Variants in ZNF454 observed in about 807,000 individuals in gnomAD.
ZNF454 encodes zinc finger protein 454.
In ZNF454, 30 loss-of-function variants were observed where a neutral mutation model predicts 48.2. That is an observed-to-expected ratio of 0.62 (90% confidence interval 0.47 to 0.84). The LOEUF is 0.84. ZNF454 is among the 40% of genes least tolerant of loss of function. The pLI is 0.00. For synonymous variants in ZNF454, 204 were observed against 211.4 expected (o/e 0.97, Z 0.30); for missense variants, 510 against 623.1 (o/e 0.82, Z 1.93).
At chr5:178,951,374 G>C (rs75605181) in intron 4 of ZNF454, among the ~76,000 whole-genome samples, 1 of 152,304 alleles carries the variant, frequency 6.6e-6, no homozygotes, top group East Asian at 1.9e-4. Flanking sequence ...CAGCACTTTT[G>C]AAGTCCACTG....
At position 178,942,896 on chromosome 5, in the gene ZNF454, C is replaced by T. The variant is rs375665383; in HGVS notation, c.33+72C>T. The T allele has an allele frequency of 7.7e-5, 118 of 1,539,380 alleles. 2 individuals are homozygous for T. In the South Asian group the frequency reaches 1.1e-3, roughly 14 times the overall value. On this transcript the variant is annotated intron_variant, in intron 2 of 4. Transcript: ENST00000519564. The stretch of plus-strand genomic sequence containing the variant: ...GTGTGGCATGTTTGCTTCCTCAGAC[C>T]GGGAGCTTTATTCCCAATCCAGTCC...
chr5:178,986,726 G>A, the ZNF454 span: 1 of 1,605,416 alleles, frequency 6.2e-7, no homozygotes, highest in East Asian at 2.2e-5. Flanking sequence ...ACCTCGTGGG[G>A]GTCGCCAGAC....
At chr5:178,969,401 T>C (rs762388752), downstream of ZNF454, 14 of 452,742 alleles carry the variant, frequency 3.1e-5, no homozygotes, top group South Asian at 2.2e-4. Context: ...TTCAGCTGGG[T>C]TAATCCCCAA....
chr5:178,986,630 C>T, the ZNF454 span: 8 of 1,602,766 alleles, frequency 5.0e-6, no homozygotes, highest in South Asian at 8.8e-5. Flanking sequence ...CCGTCACAGG[C>T]CTCGCAGTGC....
intron 4 of ZNF454, among the ~76,000 whole-genome samples, chr5:178,963,680 G>A (rs1371240443): frequency 6.6e-6 from 1 of 151,670 alleles, no homozygotes; most frequent in African/African-American, 2.4e-5. Flanking sequence ...AGATAACTTT[G>A]CCACAAAATA....
chr5:178,964,628 G>T (rs769769741), intron 4 of ZNF454, 27 bp from the exon 5 acceptor site: 1 of 1,573,560 alleles, frequency 6.4e-7, no homozygotes, highest in South Asian at 1.1e-5. Flanking sequence ...GGGTAAAACA[G>T]ACATTTTTAT....
chr5:178,957,161 C>T lies in ZNF454; in HGVS notation c.251-7494C>T, dbSNP rs183837658. 6.6e-4 allele frequency among the ~76,000 whole-genome samples: 101 copies of T among 152,008 alleles called. 1 individual carries two copies. In the East Asian group the frequency reaches 0.018, roughly 27 times the overall value. ...CCTCCCAAAGTGCTGGGATTACAGG[C>T]GTGAGCCACCGCGCCCGGCCCAGTC... On this transcript the variant is annotated intron_variant, in intron 4 of 4. Transcript: ENST00000519564.
chr5:178,971,051 C>T (rs1760226936), downstream of ZNF454, among the ~76,000 whole-genome samples: 3 of 152,224 alleles, frequency 2.0e-5, no homozygotes, highest in Admixed American at 1.3e-4. Context: ...AAGAACTTTG[C>T]GTATATTCAT....
chr5:178,967,240 C>T (rs1424837643), downstream of ZNF454, among the ~76,000 whole-genome samples: 3 of 152,154 alleles, frequency 2.0e-5, no homozygotes, highest in African/African-American at 4.8e-5. Flanking sequence ...CACCCACTTA[C>T]GTTGTACTAT....
intron 4 of ZNF454, among the ~76,000 whole-genome samples, chr5:178,956,184 CT>C (rs1351091140): frequency 6.6e-6 from 1 of 152,004 alleles, no homozygotes; most frequent in Admixed American, 6.5e-5. Context: ...TGAATATTGC[CT>C]TTTTCAAAAA....
the ZNF454 span, among the ~76,000 whole-genome samples, chr5:178,975,067 G>A: frequency 6.6e-6 from 1 of 152,140 alleles, no homozygotes. Flanking sequence ...CAGCACTTTG[G>A]GAGGCCATGG....
At chr5:178,970,298 C>T (rs546929100), downstream of ZNF454, among the ~76,000 whole-genome samples, 36 of 152,206 alleles carry the variant, frequency 2.4e-4, no homozygotes, top group Non-Finnish European at 5.0e-4. Flanking sequence ...AATCTCTCAC[C>T]CCCATCTGTG....
chr5:178,981,469 A>T, the ZNF454 span: 2 of 584,386 alleles, frequency 3.4e-6, no homozygotes, highest in African/African-American at 1.9e-5. The surrounding 1 kb of genome is among the most constrained non-coding windows in gnomAD (Gnocchi z 5.1). Context: ...CATGAAGCTC[A>T]CATGCTGGAA....
intron 4 of ZNF454, among the ~76,000 whole-genome samples, chr5:178,959,826 C>T (rs1759927735): frequency 6.6e-6 from 1 of 151,780 alleles, no homozygotes; most frequent in African/African-American, 2.4e-5. Context: ...AGGATGGTCT[C>T]GATCTCCTGA....
chr5:178,946,918 A>G lies in ZNF454; in HGVS notation c.182A>G (p.Asp61Gly), dbSNP rs375346887. ...ACAGGACTCTTAGGACCCAAACCAGATACGTTTTCCCAGCTAGAAAAAAGG... is the reference window on the plus strand; with the variant it reads ...ACAGGACTCTTAGGACCCAAACCAGGTACGTTTTCCCAGCTAGAAAAAAGG... ...VSLGLLGPKP[D>G]TFSQLEKREV... The change falls in exon 4 of 5, where the codon GAT (aspartate) becomes GGT (glycine). Residue 61 changes from aspartate (D) to glycine (G), a missense_variant. Coordinates refer to ENST00000519564, the MANE Select transcript of ZNF454 (RefSeq NM_001178089.3). This position sits in a 1 kb window ranked among gnomAD's most constrained non-coding sequence, Gnocchi z 4.5. 1.0e-4 allele frequency: 161 copies of G among 1,614,026 alleles called. 4 individuals carry two copies. In the South Asian group the frequency reaches 1.6e-3, roughly 16 times the overall value.
At chr5:178,953,626 G>A (rs1759637620) in intron 4 of ZNF454, among the ~76,000 whole-genome samples, 1 of 152,088 alleles carries the variant, frequency 6.6e-6, no homozygotes, top group African/African-American at 2.4e-5. Context: ...GCAAGGAAAT[G>A]CATATTTTCT....
Position 178,964,817 on chromosome 5 carries a change from A to G in ZNF454, c.413A>G (p.Gln138Arg). The G allele has an allele frequency of 6.2e-7, 1 of 1,614,198 alleles. No individual in the cohort carries two copies. Among genetic ancestry groups the G allele is most frequent in the South Asian group, 1.1e-5 (1 of 91,082 alleles). Residue 138 changes from glutamine to arginine, a missense_variant, in exon 5 of 5, where the codon CAG becomes CGG. Around this residue, in one of 3 missense-constraint regions of ZNF454, gnomAD observed 354 missense variants for 408.9 expected, o/e 0.87. Transcript: ENST00000519564. ...WQCGGQEISL[Q>R]RVVLTHPNTP... ...TGTGGAGGCCAGGAGATCAGTTTGC[A>G]GCGAGTGGTACTCACTCACCCCAAC... is the stretch of plus-strand genomic sequence containing the variant.
downstream of ZNF454, among the ~76,000 whole-genome samples, chr5:178,967,237 T>G (rs940201186): frequency 6.6e-6 from 1 of 152,162 alleles, no homozygotes; most frequent in Non-Finnish European, 1.5e-5. Context: ...TCCCACCCAC[T>G]TACGTTGTAC....
rs190436214 is a variant in ZNF454 at position 178,961,712 on chromosome 5, C to T, written c.251-2943C>T. ...GCGTGCACCTGTAGTCCCAGCTACTCGGGAGGCTGAGGCAGGAGAATCGCT... is the reference window on the plus strand; with the variant it reads ...GCGTGCACCTGTAGTCCCAGCTACTTGGGAGGCTGAGGCAGGAGAATCGCT... On this transcript the variant is annotated intron_variant, in intron 4 of 4. Coordinates refer to ENST00000519564, the MANE Select transcript of ZNF454 (RefSeq NM_001178089.3). Among the ~76,000 whole-genome samples the T allele has an allele frequency of 1.9e-3, 283 of 150,552 alleles. 9 individuals carry two copies. The highest frequency in any genetic ancestry group is 0.014 in the Middle Eastern group (4 of 288).
Sources: gnomAD v4.1 joint callset for allele counts (sites outside exome capture counted in the v4.1 genomes callset) on GRCh38, gnomAD v4.1.1 for gene constraint, gnomAD v4.1.1 regional missense constraint, Gnocchi (gnomAD v3.1) non-coding constraint, MANE v1.5 for transcripts, NCBI Gene and HGNC (gene_info 2026-07-23, HGNC 2026-07-21) for gene names.